Variants in COG5 observed in about 807,000 individuals in gnomAD.
COG5 encodes the protein component of oligomeric golgi complex 5.
COG5 carries 86 observed loss-of-function variants against 110.4 expected under a neutral mutation model. That is an observed-to-expected ratio of 0.78 (90% confidence interval 0.65 to 0.93). COG5 has a LOEUF of 0.93. Among genes scored for constraint, COG5 ranks in the 40% least tolerant of loss-of-function variants. The pLI is 0.00. For synonymous variants in COG5, 360 were observed against 334.6 expected (o/e 1.08, Z -0.83); for missense variants, 1,077 against 987.0 (o/e 1.09, Z -1.22).
intron 11 of COG5, among the ~76,000 whole-genome samples, chr7:107,298,572 A>T (rs1159254167): frequency 3.9e-5 from 6 of 152,190 alleles, no homozygotes; most frequent in Non-Finnish European, 7.4e-5. Context: ...ATTTAAAAAA[A>T]ATAGAAAAGC....
At chr7:107,255,962 T>C (rs757376182) in intron 16 of COG5, among the ~76,000 whole-genome samples, 2 of 152,052 alleles carry the variant, frequency 1.3e-5, no homozygotes, top group Non-Finnish European at 2.9e-5. Context: ...GAGCAAGATA[T>C]TATTTCTAAG....
At chr7:107,511,107 C>A (rs1799469462) in intron 6 of COG5, among the ~76,000 whole-genome samples, 2 of 148,414 alleles carry the variant, frequency 1.3e-5, no homozygotes, top group East Asian at 2.0e-4. Flanking sequence ...AATCCAGGAG[C>A]TGGTTTTTTG....
chr7:107,482,075 G>A (rs1797385889), intron 6 of COG5, among the ~76,000 whole-genome samples: 1 of 151,772 alleles, frequency 6.6e-6, no homozygotes, highest in Admixed American at 6.6e-5. Context: ...CAATTCCTGG[G>A]CCCCATCTCT....
chr7:107,406,539 T>C (rs1280408739), intron 7 of COG5, among the ~76,000 whole-genome samples: 1 of 152,062 alleles, frequency 6.6e-6, no homozygotes, highest in Admixed American at 6.5e-5. Context: ...TGACAACTGG[T>C]AAAAATGTGC....
chr7:107,541,819 T>C (rs1802061081), intron 5 of COG5, among the ~76,000 whole-genome samples: 1 of 150,890 alleles, frequency 6.6e-6, no homozygotes, highest in South Asian at 2.1e-4. Flanking sequence ...TACTCCCAGC[T>C]ACTCAGGAGG....
intron 6 of COG5, among the ~76,000 whole-genome samples, chr7:107,439,726 T>C (rs571291999): frequency 6.6e-6 from 1 of 152,348 alleles, no homozygotes; most frequent in East Asian, 1.9e-4. Flanking sequence ...TATCATGTCA[T>C]CTGCAAATAA....
chr7:107,468,472 G>C (rs1796436707), intron 6 of COG5, among the ~76,000 whole-genome samples: 1 of 151,824 alleles, frequency 6.6e-6, no homozygotes, highest in Non-Finnish European at 1.5e-5. Context: ...CTTTATAAAT[G>C]GCTGGCATTC....
chr7:107,452,416 C>T (rs1795394798), intron 6 of COG5, among the ~76,000 whole-genome samples: 1 of 152,136 alleles, frequency 6.6e-6, no homozygotes, highest in Non-Finnish European at 1.5e-5. Flanking sequence ...CAAATCTCAC[C>T]TTGAATTGTA....
intron 12 of COG5, among the ~76,000 whole-genome samples, chr7:107,297,092 G>A (rs995577915): frequency 6.6e-6 from 1 of 152,046 alleles, no homozygotes; most frequent in African/African-American, 2.4e-5. Flanking sequence ...ATACTTCATG[G>A]GTGACCTAAG....
intron 6 of COG5, among the ~76,000 whole-genome samples, chr7:107,505,132 T>A (rs183370831): frequency 6.6e-6 from 1 of 152,340 alleles, no homozygotes; most frequent in African/African-American, 2.4e-5. Context: ...CCCTGTGATG[T>A]GCACTTTTTT....
intron 11 of COG5, among the ~76,000 whole-genome samples, chr7:107,321,302 G>T (rs755382225): frequency 2.6e-5 from 4 of 152,078 alleles, no homozygotes; most frequent in Non-Finnish European, 5.9e-5. Flanking sequence ...GCATTTATAA[G>T]AAAAAATGTA....
intron 6 of COG5, among the ~76,000 whole-genome samples, chr7:107,426,575 G>A (rs1259850471): frequency 6.6e-6 from 1 of 152,126 alleles, no homozygotes; most frequent in Non-Finnish European, 1.5e-5. Context: ...GGGCAAGAGG[G>A]CTCTCTGGGA....
intron 8 of COG5, 49 bp downstream of exon 8, chr7:107,372,546 T>C (rs1478953460): frequency 6.3e-7 from 1 of 1,576,412 alleles, no homozygotes; most frequent in Non-Finnish European, 8.7e-7. Context: ...TTCAAAAGAC[T>C]TCTCAGTTAT....
intron 3 of COG5, among the ~76,000 whole-genome samples, chr7:107,550,392 C>A (rs1028237596): frequency 6.6e-6 from 1 of 152,158 alleles, no homozygotes; most frequent in African/African-American, 2.4e-5. Flanking sequence ...CATACAATAA[C>A]CTGATTAAAC....
chr7:107,397,012 T>C (rs1320558022), intron 7 of COG5, among the ~76,000 whole-genome samples: 1 of 152,220 alleles, frequency 6.6e-6, no homozygotes, highest in Admixed American at 6.5e-5. Context: ...TGCCCAAAAC[T>C]ACTTTCTTCT....
chr7:107,382,222 T>C (rs1180640211), intron 7 of COG5, among the ~76,000 whole-genome samples: 2 of 152,134 alleles, frequency 1.3e-5, no homozygotes, highest in Admixed American at 1.3e-4. Context: ...TCCAAGTTTA[T>C]CTTGGGACCT....
At chr7:107,543,934 C>G (rs1028360093) in intron 5 of COG5, among the ~76,000 whole-genome samples, 1 of 152,136 alleles carries the variant, frequency 6.6e-6, no homozygotes, top group Non-Finnish European at 1.5e-5. Flanking sequence ...AGTGCCAGGC[C>G]TGCCCCCAAG....
At chr7:107,467,946 G>T (rs1483142483) in intron 6 of COG5, among the ~76,000 whole-genome samples, 1 of 152,142 alleles carries the variant, frequency 6.6e-6, no homozygotes, top group Admixed American at 6.5e-5. Flanking sequence ...CCCAGATTTT[G>T]TTTTTTTGAA....
chr7:107,314,423 AG>A (rs1388801236), intron 11 of COG5, among the ~76,000 whole-genome samples: 1 of 152,086 alleles, frequency 6.6e-6, no homozygotes, highest in Non-Finnish European at 1.5e-5. Flanking sequence ...TGAGTATTAT[AG>A]CTTAATAAAT....
Sources: gnomAD v4.1 joint callset for allele counts (sites outside exome capture counted in the v4.1 genomes callset) on GRCh38, gnomAD v4.1.1 for gene constraint, MANE v1.5 for transcripts, NCBI Gene and HGNC (gene_info 2026-07-23, HGNC 2026-07-21) for gene names.